ERC1: variants seen among roughly 807,000 people sequenced by gnomAD.
ERC1 encodes the protein RAB6 interacting protein 2.
Under a neutral mutation model 132.0 loss-of-function variants are expected in ERC1, and 56 were observed. That is an observed-to-expected ratio of 0.42 (90% confidence interval 0.34 to 0.53). The LOEUF (loss-of-function observed/expected upper bound fraction) is 0.53, where lower values mean the gene tolerates loss of function less well. Ranked by LOEUF, ERC1 falls within the 20% of genes least tolerant of loss-of-function variation. The probability of loss-of-function intolerance (pLI) is 0.03; values close to 1 mark genes in which losing one functional copy is unlikely to be tolerated. For synonymous variants in ERC1, 478 were observed against 476.1 expected, an observed-to-expected ratio of 1.00 and a Z score of -0.05; for missense variants, 1,202 against 1,349.9, an observed-to-expected ratio of 0.89 and a Z score of 1.72.
chr12:1,493,548 A>AAAAAT lies in ERC1; in HGVS notation c.*3319_*3320insAAATA, dbSNP rs56939346. 2 of 13,622 alleles carry AAAAAT rather than the reference A, an allele frequency of 1.5e-4. No homozygotes were observed. The highest frequency in any genetic ancestry group is 2.9e-4 in the Non-Finnish European group (2 of 6,822). 0.8% of individuals were successfully genotyped at this position (13,622 alleles called of 1,614,324 possible). On this transcript the variant is annotated 3_prime_UTR_variant, in exon 19 of 19. Transcript: ENST00000360905. Reference sequence around the variant, plus strand: ...ACTCCATTTAAAAAAAAAAAAAAAAAATATATATATATATATATATATATA... The same window carrying AAAAAT: ...ACTCCATTTAAAAAAAAAAAAAAAAAAAAATATATATATATATATATATATATATA...
At chr12:999,681 C>T (rs1267674972) in intron 1 of ERC1, among the ~76,000 whole-genome samples, 10 of 146,426 alleles carry the variant, frequency 6.8e-5, no homozygotes, top group South Asian at 4.3e-4. Flanking sequence ...GTGCAACCTC[C>T]GCCTCCCGGG....
chr12:1,476,863 T>C (rs190313725), intron 18 of ERC1, among the ~76,000 whole-genome samples: 75 of 152,350 alleles, frequency 4.9e-4, no homozygotes, highest in South Asian at 4.8e-3. Flanking sequence ...ACTAAATGTC[T>C]ATTGGAGTTA....
chr12:1,272,206 C>T (rs2077908856), intron 14 of ERC1, among the ~76,000 whole-genome samples: 4 of 152,176 alleles, frequency 2.6e-5, no homozygotes, highest in Admixed American at 2.6e-4. Context: ...TATAAAGCAC[C>T]TTTAACAGAT....
intron 13 of ERC1, among the ~76,000 whole-genome samples, chr12:1,250,373 C>G (rs529172129): frequency 6.6e-6 from 1 of 152,280 alleles, no homozygotes; most frequent in South Asian, 2.1e-4. Context: ...TGTTTACATA[C>G]TTTTCAATAC....
chr12:1,439,667 A>G, intron 17 of ERC1, among the ~76,000 whole-genome samples: 1 of 152,136 alleles, frequency 6.6e-6, no homozygotes, highest in East Asian at 1.9e-4. Flanking sequence ...AGTACAGTTC[A>G]TTATAGCTGT....
rs1271929236 is a variant in ERC1, at chr12:1,141,788, G to A, written c.1737+1G>A. 1 of 1,593,752 alleles carries A rather than the reference G, an allele frequency of 6.3e-7. No homozygotes were observed. Among genetic ancestry groups the A allele is most frequent in the Non-Finnish European group, 8.5e-7 (1 of 1,169,806 alleles). On this transcript the variant is annotated splice_donor_variant, in intron 8 of 18. Transcript: ENST00000360905. LOFTEE classifies it high-confidence loss of function. ...GAAGGTTAATGTTCTTCAGAAGAAG[G>A]TAAGGTACAGGTGTTTCGAGTTCAG...
chr12:1,092,476 T>A (rs545715159), intron 3 of ERC1, among the ~76,000 whole-genome samples: 11 of 152,342 alleles, frequency 7.2e-5, no homozygotes, highest in African/African-American at 2.6e-4. Flanking sequence ...TCATTTCAGC[T>A]GAGGTATGAG....
intron 17 of ERC1, among the ~76,000 whole-genome samples, chr12:1,427,223 C>G (rs1295356154): frequency 6.6e-6 from 1 of 152,148 alleles, no homozygotes; most frequent in Non-Finnish European, 1.5e-5. Context: ...TGCTCTCTAC[C>G]TGGCAGACAC....
chr12:1,150,107 A>G (rs1328044655), intron 8 of ERC1, among the ~76,000 whole-genome samples: 4 of 152,348 alleles, frequency 2.6e-5, no homozygotes, highest in South Asian at 2.1e-4. Flanking sequence ...TAAGATGTTC[A>G]TAACTCTGTG....
chr12:1,410,485 G>T lies in ERC1; in HGVS notation c.3024+2238G>T, dbSNP rs1044220044. 3.5e-5 allele frequency: 39 copies of T among 1,123,666 alleles called. No individual in the cohort carries two copies. The African/African-American group carries it at 6.1e-4, about 18-fold the overall frequency. The allele number at this position is 1,123,666 out of a possible 1,614,324, so 69.6% of individuals were successfully genotyped here. A position where few individuals can be genotyped will look rare whatever the true frequency, so the allele number is the denominator to read the frequency against. On this transcript the variant is annotated intron_variant, in intron 17 of 18. Transcript: ENST00000360905. ...AACAGCTTTCCTTAACTATAGAAAT[G>T]GTTTTTGTTTGTTTTCATTTTTCTT...
upstream of ERC1, chr12:990,514 A>G (rs1202168061): frequency 6.6e-6 from 1 of 152,352 alleles, no homozygotes; most frequent in South Asian, 2.1e-4. Context: ...GCAGGGTCGG[A>G]ACGTGGACAC....
At chr12:1,241,405 A>G (rs1358834152) in intron 13 of ERC1, among the ~76,000 whole-genome samples, 1 of 152,102 alleles carries the variant, frequency 6.6e-6, no homozygotes, top group Non-Finnish European at 1.5e-5. Flanking sequence ...AGGAATGATG[A>G]TTGTTACATA....
At chr12:1,270,766 A>T (rs1339677639) in intron 14 of ERC1, among the ~76,000 whole-genome samples, 5 of 151,754 alleles carry the variant, frequency 3.3e-5, no homozygotes, top group African/African-American at 1.2e-4. Flanking sequence ...AAAATATTAA[A>T]ATATCAAATT....
Position 1,015,802 on chromosome 12 carries a change from G to A in ERC1, c.-156-11946G>A, listed in dbSNP as rs184772183. On this transcript the variant is annotated intron_variant, in intron 1 of 18. Coordinates refer to ENST00000360905, the MANE Select transcript of ERC1 (RefSeq NM_178040.4). ...ATACAGTATTAAAAATATTTGACTC[G>A]TTGATGAGCATAACCCCATTACATC... 1.1e-4 allele frequency among the ~76,000 whole-genome samples: 17 copies of A among 152,190 alleles called. No homozygotes were observed. The East Asian group carries it at 1.2e-3, about 10-fold the overall frequency.
chr12:1,326,215 G>A (rs2082435214), intron 15 of ERC1, among the ~76,000 whole-genome samples: 1 of 152,128 alleles, frequency 6.6e-6, no homozygotes. Flanking sequence ...AGTGAACAAG[G>A]TGTTAGAATC....
chr12:1,290,194 A>T (rs73029185), intron 15 of ERC1, among the ~76,000 whole-genome samples, 182 bp downstream of exon 15: 7,671 of 152,252 alleles, frequency 0.05, 237 homozygotes, highest in Middle Eastern at 0.12. Flanking sequence ...TCAAATAGAA[A>T]TATTTTTGGT....
intron 13 of ERC1, among the ~76,000 whole-genome samples, chr12:1,243,207 GA>G (rs528544729): frequency 0.1 from 14,154 of 138,814 alleles, 1,349 homozygotes; most frequent in African/African-American, 0.25. Flanking sequence ...AAAAAAAAAA[GA>G]AAAAAAAAAA....
chr12:1,218,691 C>T (rs143305147), intron 12 of ERC1, among the ~76,000 whole-genome samples: 144 of 152,114 alleles, frequency 9.5e-4, no homozygotes, highest in African/African-American at 3.4e-3. Context: ...ACACTGTTTT[C>T]TTCTGGTATC....
chr12:1,271,491 G>T (rs1294033824), intron 14 of ERC1, among the ~76,000 whole-genome samples: 1 of 152,150 alleles, frequency 6.6e-6, no homozygotes, highest in African/African-American at 2.4e-5. Context: ...TAAGAAGCAA[G>T]ACATGGTATT....
Sources: gnomAD v4.1 joint callset for allele counts (sites outside exome capture counted in the v4.1 genomes callset) on GRCh38, gnomAD v4.1.1 for gene constraint, MANE v1.5 for transcripts, NCBI Gene and HGNC (gene_info 2026-07-23, HGNC 2026-07-21) for gene names.